Variants in L1TD1 observed in about 807,000 individuals in gnomAD.
L1TD1 encodes the protein LINE-1 type transposase domain-containing protein 1.
A neutral mutation model predicts 25.7 loss-of-function variants in L1TD1; 26 were observed. The ratio of observed to expected loss-of-function variants is 1.01; its 90% CI spans 0.74 to 1.40. The LOEUF is 1.40. L1TD1 is among the 40% of genes most tolerant of loss of function. The pLI is 0.00. For synonymous variants in L1TD1, 421 were observed against 335.6 expected (o/e 1.25, Z -2.78); for missense variants, 1,130 against 975.0 (o/e 1.16, Z -2.12).
At position 62,207,198 on chromosome 1, in the gene L1TD1, C is replaced by T; in HGVS notation, c.570C>T (p.Val190=). The part of the protein sequence containing the change: ...NIDDRDGNRN[V]HLEFTERESR... ...ATGACAGAGATGGAAATCGCAATGT[C>T]CATTTAGAATTTACAGAAAGAGAGA... Residue 190 remains valine (V), a synonymous_variant, in exon 3 of 4, where the codon GTC becomes GTT. Coordinates refer to ENST00000498273, the MANE Select transcript of L1TD1 (RefSeq NM_019079.5). 2 of 1,551,766 alleles carry T rather than the reference C, an allele frequency of 1.3e-6. No individual in the cohort carries two copies. Among genetic ancestry groups the T allele is most frequent in the Non-Finnish European group, 1.7e-6 (2 of 1,147,090 alleles).
chr1:62,197,397 TTATATATA>T (rs10528649), intron 2 of L1TD1, among the ~76,000 whole-genome samples: 2,270 of 80,802 alleles, frequency 0.028, 46 homozygotes, highest in African/African-American at 0.058. Flanking sequence ...AAAAAATAAA[TTATATATA>T]TATATATATA....
intron 1 of L1TD1, among the ~76,000 whole-genome samples, chr1:62,195,739 C>G (rs1356949848): frequency 6.7e-6 from 1 of 148,446 alleles, no homozygotes; most frequent in African/African-American, 2.5e-5. Context: ...GCAACAGGGG[C>G]GAAACTGTCT....
chr1:62,205,389 T>TTCTCTCTCTCTCTC (rs1194912722), intron 2 of L1TD1, among the ~76,000 whole-genome samples: 55 of 60,292 alleles, frequency 9.1e-4, no homozygotes, highest in African/African-American at 3.2e-3. Flanking sequence ...CTCTCTCTCT[T>TTCTCTCTCTCTCTC]TCTCTCTCTC....
intron 3 of L1TD1, chr1:62,208,173 C>T (rs1167805065): frequency 6.5e-6 from 1 of 153,054 alleles, no homozygotes; most frequent in African/African-American, 2.4e-5. Context: ...GCCAAGACGG[C>T]ACTCAGCTCC....
At chr1:62,197,398 TATATATATATATATATATATA>T (rs1557439361) in intron 2 of L1TD1, among the ~76,000 whole-genome samples, 2 of 106,396 alleles carry the variant, frequency 1.9e-5, no homozygotes, top group Non-Finnish European at 3.8e-5. Flanking sequence ...AAAAATAAAT[TATATATATATATATATATATA>T]TATATATATA....
chr1:62,204,273 C>T (rs1332986158), intron 2 of L1TD1, among the ~76,000 whole-genome samples: 2 of 151,976 alleles, frequency 1.3e-5, no homozygotes, highest in African/African-American at 4.8e-5. Flanking sequence ...AGATTTTGCC[C>T]TTGATCTGGT....
rs1670872835 is a variant in L1TD1, at chr1:62,211,564, C to G, written c.*192C>G. 1.4e-5 allele frequency: 12 copies of G among 887,464 alleles called. No individual in the cohort carries two copies. In the South Asian group the frequency reaches 3.1e-4, roughly 23 times the overall value. 55.0% of individuals were successfully genotyped at this position (887,464 alleles called of 1,614,324 possible). Reference sequence around the variant, plus strand: ...GTATGTTTAAAAAAAATAGGCTGGTCTCAATGTAGTGAGTTATTTCAGTTG... The same window carrying G: ...GTATGTTTAAAAAAAATAGGCTGGTGTCAATGTAGTGAGTTATTTCAGTTG... On this transcript the variant is annotated 3_prime_UTR_variant, in exon 4 of 4. Transcript: ENST00000498273.
At chr1:62,198,974 A>T (rs1244679890) in intron 2 of L1TD1, among the ~76,000 whole-genome samples, 1 of 152,012 alleles carries the variant, frequency 6.6e-6, no homozygotes, top group Non-Finnish European at 1.5e-5. Flanking sequence ...AGTAGCTGGG[A>T]CTGCAGGCAG....
At chr1:62,205,384 TC>T (rs1557443399) in intron 2 of L1TD1, among the ~76,000 whole-genome samples, 17 of 54,162 alleles carry the variant, frequency 3.1e-4, no homozygotes, top group Admixed American at 2.2e-3. Context: ...TCTCTCTCTC[TC>T]TCTTTCTCTC....
rs60515153 is a variant in L1TD1 at position 62,196,036 on chromosome 1, C to CA, written c.-204-385dup. Among the ~76,000 whole-genome samples the CA allele has an allele frequency of 2.3e-3, 341 of 146,198 alleles. 2 individuals are homozygous for CA. The highest frequency in any genetic ancestry group is 7.4e-3 in the Middle Eastern group (2 of 272). On this transcript the variant is annotated intron_variant, in intron 1 of 3. Coordinates refer to ENST00000498273, the MANE Select transcript of L1TD1 (RefSeq NM_019079.5). ...TGGGCGGCAGAGCGAAACTCCGTCT[C>CA]AAAAAAAAAAAAAAGTGTTTAATTA...
Position 62,206,651 on chromosome 1 carries a change from T to G in L1TD1, c.23T>G (p.Val8Gly). 6.5e-7 allele frequency: 1 copy of G among 1,545,594 alleles called. No homozygotes were observed. Among genetic ancestry groups the G allele is most frequent in the South Asian group, 1.2e-5 (1 of 83,160 alleles). Reference sequence around the variant, plus strand: ...ACAATGTCTGATGTATCTACTAGTGTACAATCAAAATTTGCTAGACTTGCA... The same window carrying G: ...ACAATGTCTGATGTATCTACTAGTGGACAATCAAAATTTGCTAGACTTGCA... The part of the protein sequence containing the change: MSDVSTS[V>G]QSKFARLAKK... Residue 8 changes from valine to glycine, a missense_variant, in exon 3 of 4, where the codon GTA becomes GGA. Coordinates refer to ENST00000498273, the MANE Select transcript of L1TD1 (RefSeq NM_019079.5).
In L1TD1 at chr1:62,207,360, C is replaced by G. The variant is rs1670770665; in HGVS notation, c.732C>G (p.Thr244=). 6.4e-7 allele frequency: 1 copy of G among 1,551,506 alleles called. No homozygotes were observed. Among genetic ancestry groups the G allele is most frequent in the Non-Finnish European group, 8.7e-7 (1 of 1,146,944 alleles). The change falls in exon 3 of 4, where the codon ACC becomes ACG. Residue 244 remains threonine, a synonymous_variant. Transcript: ENST00000498273. ...TGATGGATGAAGGAGCAGTACTTACCCTGGTAGCCGACCTTTCATCAGCAA... is the reference window on the plus strand; with the variant it reads ...TGATGGATGAAGGAGCAGTACTTACGCTGGTAGCCGACCTTTCATCAGCAA... ...KVLMDEGAVL[T]LVADLSSATL... is the part of the protein sequence containing the mutation.
chr1:62,205,432 TATATATATATA>T (rs1362240646), intron 2 of L1TD1, among the ~76,000 whole-genome samples: 4 of 73,938 alleles, frequency 5.4e-5, no homozygotes, highest in South Asian at 4.6e-4. Context: ...TATATATATA[TATATATATATA>T]TTTTTTTTTA....
intron 2 of L1TD1, among the ~76,000 whole-genome samples, chr1:62,204,775 T>G (rs530075497): frequency 6.6e-6 from 1 of 152,156 alleles, no homozygotes; most frequent in African/African-American, 2.4e-5. Context: ...CTTATGTGAT[T>G]CTTATTTTGC....
At chr1:62,208,676 G>C (rs905397335) in intron 3 of L1TD1, among the ~76,000 whole-genome samples, 3 of 152,030 alleles carry the variant, frequency 2.0e-5, no homozygotes, top group Admixed American at 6.6e-5. Context: ...ACGAGGTTTT[G>C]CCATGTTGCC....
intron 2 of L1TD1, among the ~76,000 whole-genome samples, chr1:62,198,872 C>CT (rs1288110632): frequency 6.6e-6 from 1 of 151,370 alleles, no homozygotes; most frequent in Non-Finnish European, 1.5e-5. Flanking sequence ...GGGTCTTGCT[C>CT]TGTCACCCAG....
At chr1:62,197,397 T>TTA (rs10528649) in intron 2 of L1TD1, among the ~76,000 whole-genome samples, 2,131 of 80,374 alleles carry the variant, frequency 0.027, 44 homozygotes, top group Middle Eastern at 0.058. Context: ...AAAAAATAAA[T>TTA]TATATATATA....
chr1:62,196,279 C>T (rs780559717), intron 1 of L1TD1, among the ~76,000 whole-genome samples, 156 bp from the exon 2 acceptor site: 16 of 152,182 alleles, frequency 1.1e-4, no homozygotes, highest in Non-Finnish European at 1.8e-4. Flanking sequence ...GCAGCCCTCT[C>T]CCGACTTACA....
chr1:62,200,085 G>A (rs1180129306), intron 2 of L1TD1, among the ~76,000 whole-genome samples: 2 of 151,916 alleles, frequency 1.3e-5, no homozygotes, highest in Admixed American at 6.6e-5. Flanking sequence ...ATTATGTATG[G>A]TATAATTTTT....
Sources: gnomAD v4.1 joint callset for allele counts (sites outside exome capture counted in the v4.1 genomes callset) on GRCh38, gnomAD v4.1.1 for gene constraint, MANE v1.5 for transcripts, NCBI Gene and HGNC (gene_info 2026-07-23, HGNC 2026-07-21) for gene names.